EVI5: variants seen among roughly 807,000 people sequenced by gnomAD.
The protein encoded by EVI5 is ecotropic viral integration site 5, also known as ecotropic viral integration site 5 protein homolog.
Under a neutral mutation model 112.0 loss-of-function variants are expected in EVI5, and 73 were observed. That is an observed-to-expected ratio of 0.65 (90% confidence interval 0.54 to 0.79). The LOEUF (loss-of-function observed/expected upper bound fraction) is 0.79. Ranked by LOEUF, EVI5 falls within the 30% of genes least tolerant of loss-of-function variation. EVI5 has a pLI of 0.00. For missense variants in EVI5, 900 were observed against 968.8 expected (o/e 0.93, Z 0.94); for synonymous variants, 305 against 319.9 (o/e 0.95, Z 0.50).
intron 19 of EVI5, among the ~76,000 whole-genome samples, chr1:92,527,157 G>A (rs929130285): frequency 3.3e-5 from 5 of 152,152 alleles, no homozygotes; most frequent in African/African-American, 7.2e-5. Flanking sequence ...GCTCATGCTT[G>A]TAATCCCAGC....
At chr1:92,525,564 C>T (rs187518658) in intron 19 of EVI5, among the ~76,000 whole-genome samples, 1 of 152,194 alleles carries the variant, frequency 6.6e-6, no homozygotes, top group East Asian at 1.9e-4. Context: ...CCACTGCACC[C>T]GGCCAACAAT....
chr1:92,626,030 A>C, intron 14 of EVI5, 96 bp from the exon 15 acceptor site: 1 of 692,348 alleles, frequency 1.4e-6, no homozygotes, highest in Non-Finnish European at 2.5e-6. Flanking sequence ...AAATGTATTT[A>C]ATTTTATACA....
At chr1:92,673,252 G>A (rs1377261919) in intron 10 of EVI5, among the ~76,000 whole-genome samples, 1 of 105,090 alleles carries the variant, frequency 9.5e-6, no homozygotes, top group Middle Eastern at 6.3e-3. Context: ...ATTATTTTCT[G>A]GCTTTCAGCA....
chr1:92,785,157 C>T, upstream of EVI5: 1 of 971,756 alleles, frequency 1.0e-6, no homozygotes, highest in African/African-American at 1.8e-5. Context: ...GCCTCTACCG[C>T]AGAATGGGTT....
intron 19 of EVI5, among the ~76,000 whole-genome samples, chr1:92,554,965 G>A (rs1192089750): frequency 1.3e-5 from 2 of 152,160 alleles, no homozygotes; most frequent in Non-Finnish European, 2.9e-5. Context: ...GGGCCACAGA[G>A]CAAGACCTTG....
At chr1:92,647,646 G>T in intron 13 of EVI5, 1 of 331,372 alleles carries the variant, frequency 3.0e-6, no homozygotes, top group Non-Finnish European at 5.9e-6. Flanking sequence ...TAGCCATCCT[G>T]ACTAAATTGC....
chr1:92,754,612 T>C (rs967011400), intron 1 of EVI5, among the ~76,000 whole-genome samples: 7 of 152,206 alleles, frequency 4.6e-5, no homozygotes, highest in African/African-American at 7.2e-5. Flanking sequence ...CTCCCTCATA[T>C]AGTTATTGGC....
chr1:92,762,560 C>T (rs765987084), intron 1 of EVI5, among the ~76,000 whole-genome samples: 3 of 152,146 alleles, frequency 2.0e-5, no homozygotes, highest in East Asian at 1.9e-4. Context: ...AACTGTAGAA[C>T]ATAAAAGTCA....
chr1:92,717,935 T>C (rs1570560841), intron 2 of EVI5, among the ~76,000 whole-genome samples: 3 of 149,774 alleles, frequency 2.0e-5, no homozygotes, highest in Admixed American at 2.0e-4. Context: ...CCAACAAAGA[T>C]CAAAAGAGAC....
chr1:92,560,550 T>C (rs1668364757), intron 19 of EVI5, among the ~76,000 whole-genome samples: 1 of 152,098 alleles, frequency 6.6e-6, no homozygotes, highest in Admixed American at 6.5e-5. Context: ...ATACAAAACT[T>C]TTTTTTCTTT....
At chr1:92,674,979 T>C (rs955230724) in intron 10 of EVI5, among the ~76,000 whole-genome samples, 1 of 152,212 alleles carries the variant, frequency 6.6e-6, no homozygotes, top group African/African-American at 2.4e-5. Flanking sequence ...CTGAGACACA[T>C]GGAGCTAGAT....
At chr1:92,606,932 A>C (rs1571854438) in intron 17 of EVI5, among the ~76,000 whole-genome samples, 3 of 128,866 alleles carry the variant, frequency 2.3e-5, no homozygotes, top group Admixed American at 7.8e-5. Flanking sequence ...ACCCCCCCAA[A>C]CCCTCCCTCC....
rs539267304 is a variant in EVI5, at chr1:92,662,800, G to C, written c.1311C>G (p.Ile437Met). Residue 437 changes from isoleucine to methionine, a missense_variant, in exon 13 of 20, where the codon ATC becomes ATG. Physicochemically the swap from Ile to Met is conservative, Grantham distance 10. Coordinates refer to ENST00000684568, the MANE Select transcript of EVI5 (RefSeq NM_001350197.2). Reference sequence around the variant, plus strand: ...CACTGGCCTCATCACTCTGCTGTTTGATGGTGGCCAACTCCCGTTTTATGA... The same window carrying C: ...CACTGGCCTCATCACTCTGCTGTTTCATGGTGGCCAACTCCCGTTTTATGA... ...NYLIKRELATIKQQSDEASAK... is the reference protein window; with the variant it reads ...NYLIKRELATMKQQSDEASAK... 349 of 1,289,352 alleles carry C rather than the reference G, an allele frequency of 2.7e-4. No individual in the cohort carries two copies. Among genetic ancestry groups the C allele is most frequent in the Admixed American group, 2.5e-3 (107 of 43,466 alleles). The allele number at this position is 1,289,352 out of a possible 1,614,324, so 79.9% of individuals were successfully genotyped here. A position where few individuals can be genotyped will look rare whatever the true frequency, so the allele number is the denominator to read the frequency against.
intron 2 of EVI5, among the ~76,000 whole-genome samples, chr1:92,719,747 A>T (rs1674418879): frequency 6.6e-6 from 1 of 152,086 alleles, no homozygotes; most frequent in South Asian, 2.1e-4. Context: ...GGAAAAGAGG[A>T]AGTCAAATTG....
Position 92,656,623 on chromosome 1 carries a change from A to C in EVI5, c.1392+6096T>G, listed in dbSNP as rs149258201. 5.5e-3 allele frequency among the ~76,000 whole-genome samples: 835 copies of C among 152,246 alleles called. 6 individuals are homozygous for C. The highest frequency in any genetic ancestry group is 0.018 in the African/African-American group (736 of 41,564). On this transcript the variant is annotated intron_variant, in intron 13 of 19. Coordinates refer to ENST00000684568, the MANE Select transcript of EVI5 (RefSeq NM_001350197.2). ...AAAAGTGGGTTCTTTGAAAAAAATA[A>C]ACAAAACCAATATACTGCTCAATTA... is the stretch of plus-strand genomic sequence containing the variant.
At chr1:92,745,077 C>T (rs1461915926) in intron 1 of EVI5, among the ~76,000 whole-genome samples, 2 of 150,670 alleles carry the variant, frequency 1.3e-5, no homozygotes, top group East Asian at 3.9e-4. Context: ...ACCACAGGCA[C>T]ACAACTACCA....
At chr1:92,770,315 T>C (rs1683191310) in intron 1 of EVI5, among the ~76,000 whole-genome samples, 1 of 152,244 alleles carries the variant, frequency 6.6e-6, no homozygotes, top group Non-Finnish European at 1.5e-5. Context: ...CATATAAATA[T>C]AAATGTACTA....
rs753382027 is a variant in EVI5, at chr1:92,563,724, T to A, written c.2084A>T (p.Lys695Met). Residue 695 changes from lysine (K) to methionine (M), a missense_variant, in exon 19 of 20, where the codon AAG becomes ATG. Physicochemically the swap from Lys to Met is moderately conservative, Grantham distance 95. Transcript: ENST00000684568. The part of the protein sequence containing the change: ...AELEIQKEEG[K>M]LQGQLNKSDS... ...AGACTTGTTAAGCTGTCCTTGAAGC[T>A]TTCCTTCTTCTTTCTGTTTTGTGAC... 2 of 1,603,540 alleles carry A rather than the reference T, an allele frequency of 1.2e-6. No homozygotes were observed. The highest frequency in any genetic ancestry group is 1.7e-6 in the Non-Finnish European group (2 of 1,173,704).
At chr1:92,554,477 T>C (rs561320776) in intron 19 of EVI5, among the ~76,000 whole-genome samples, 1 of 152,188 alleles carries the variant, frequency 6.6e-6, no homozygotes, top group African/African-American at 2.4e-5. Flanking sequence ...AGATAAATTT[T>C]AAGAACACTT....
Sources: gnomAD v4.1 joint callset for allele counts (sites outside exome capture counted in the v4.1 genomes callset) on GRCh38, gnomAD v4.1.1 for gene constraint, MANE v1.5 for transcripts, NCBI Gene and HGNC (gene_info 2026-07-23, HGNC 2026-07-21) for gene names.